ADAMTS12: variants seen among roughly 807,000 people sequenced by gnomAD.
ADAMTS12 encodes the protein A disintegrin and metalloproteinase with thrombospondin motifs 12.
Under a neutral mutation model 167.8 loss-of-function variants are expected in ADAMTS12, and 118 were observed. The observed-to-expected ratio is 0.70, with a 90% confidence interval of 0.61 to 0.82. The LOEUF is 0.82. ADAMTS12 is among the 40% of genes least tolerant of loss of function. The pLI, the probability that ADAMTS12 is intolerant of heterozygous loss-of-function variation, is 0.00. For synonymous variants in ADAMTS12, 704 were observed against 716.9 expected, an observed-to-expected ratio of 0.98 and a Z score of 0.29; for missense variants, 1,916 against 1,998.8, an observed-to-expected ratio of 0.96 and a Z score of 0.79.
chr5:33,642,713 A>T (rs147065200), intron 10 of ADAMTS12, among the ~76,000 whole-genome samples: 23 of 152,268 alleles, frequency 1.5e-4, no homozygotes, highest in Admixed American at 2.6e-4. Flanking sequence ...GGATTTGGAC[A>T]TGTTTTATTG....
chr5:33,643,577 A>T, intron 9 of ADAMTS12, 107 bp from the exon 10 acceptor site: 2 of 961,094 alleles, frequency 2.1e-6, no homozygotes, highest in Non-Finnish European at 3.2e-6. Context: ...AATAAATGCC[A>T]CTGTTGTTAG....
intron 5 of ADAMTS12, among the ~76,000 whole-genome samples, chr5:33,677,158 T>G (rs1741942888): frequency 6.6e-6 from 1 of 152,204 alleles, no homozygotes; most frequent in Non-Finnish European, 1.5e-5. Context: ...CTCCAAGGAC[T>G]TTGAAGTCCT....
At chr5:33,745,219 C>A (rs1353932518) in intron 3 of ADAMTS12, among the ~76,000 whole-genome samples, 2 of 152,122 alleles carry the variant, frequency 1.3e-5, no homozygotes, top group African/African-American at 4.8e-5. Context: ...CAGGCCTTTG[C>A]AGGATGAAGC....
At chr5:33,666,342 C>A (rs752637672) in intron 5 of ADAMTS12, among the ~76,000 whole-genome samples, 11 of 152,226 alleles carry the variant, frequency 7.2e-5, no homozygotes, top group Non-Finnish European at 1.2e-4. Flanking sequence ...TTCATTTACT[C>A]CAAAACTCAG....
intron 19 of ADAMTS12, among the ~76,000 whole-genome samples, chr5:33,565,946 A>G (rs962828235): frequency 1.1e-4 from 16 of 152,234 alleles, no homozygotes; most frequent in Admixed American, 9.2e-4. Flanking sequence ...AGACAAAATA[A>G]TTAAAACACA....
At chr5:33,764,625 G>T (rs897664222) in intron 2 of ADAMTS12, among the ~76,000 whole-genome samples, 1 of 152,148 alleles carries the variant, frequency 6.6e-6, no homozygotes, top group Non-Finnish European at 1.5e-5. Flanking sequence ...AATTCGTCGG[G>T]GAAGAGATTA....
intron 2 of ADAMTS12, among the ~76,000 whole-genome samples, chr5:33,775,912 C>T (rs115787538): frequency 1.3e-5 from 2 of 152,162 alleles, no homozygotes; most frequent in Non-Finnish European, 2.9e-5. Context: ...CCGAAGGGAG[C>T]TCATTATCCC....
chr5:33,670,464 G>A (rs574897935), intron 5 of ADAMTS12, among the ~76,000 whole-genome samples: 113 of 152,276 alleles, frequency 7.4e-4, no homozygotes, highest in Admixed American at 2.3e-3. Flanking sequence ...ATAGGTGGCC[G>A]GGCGCGGTGT....
intron 3 of ADAMTS12, among the ~76,000 whole-genome samples, chr5:33,703,298 G>A (rs1357159903): frequency 6.6e-6 from 1 of 152,132 alleles, no homozygotes; most frequent in African/African-American, 2.4e-5. Flanking sequence ...AACTTAATGT[G>A]TTTAAAGATA....
In ADAMTS12 at chr5:33,576,238, G is replaced by A. The variant is rs757177041; in HGVS notation, c.3788C>T (p.Thr1263Met). 1.1e-4 allele frequency: 185 copies of A among 1,614,086 alleles called. No homozygotes were observed. The highest frequency in any genetic ancestry group is 1.6e-4 in the Middle Eastern group (1 of 6,084). Residue 1263 changes from threonine to methionine, a missense_variant, in exon 19 of 24, where the codon ACG (threonine) becomes ATG (methionine). Transcript: ENST00000504830. ...GDHQPEPSGK[T>M]ANRNHLKLPN... ...AAGTTTCAGGTGGTTACGGTTTGCCGTCTTTCCTGAGGGTTCTGGCTGGTG... is the reference window on the plus strand; with the variant it reads ...AAGTTTCAGGTGGTTACGGTTTGCCATCTTTCCTGAGGGTTCTGGCTGGTG...
At chr5:33,717,719 T>C (rs1445975253) in intron 3 of ADAMTS12, among the ~76,000 whole-genome samples, 2 of 152,120 alleles carry the variant, frequency 1.3e-5, no homozygotes, top group Non-Finnish European at 2.9e-5. Flanking sequence ...CTTACACAAT[T>C]GAGTATTCAG....
chr5:33,690,247 C>T (rs1402637770), intron 3 of ADAMTS12, among the ~76,000 whole-genome samples: 1 of 152,172 alleles, frequency 6.6e-6, no homozygotes, highest in African/African-American at 2.4e-5. Flanking sequence ...TTTTACTCCA[C>T]AAAAAGTTTA....
chr5:33,742,501 C>T (rs1021692461), intron 3 of ADAMTS12, among the ~76,000 whole-genome samples: 25 of 152,192 alleles, frequency 1.6e-4, no homozygotes, highest in African/African-American at 5.6e-4. Flanking sequence ...TTTGCCTTGC[C>T]TCAGTGGCTC....
At chr5:33,532,741 G>C (rs986075423) in intron 23 of ADAMTS12, among the ~76,000 whole-genome samples, 37 of 151,966 alleles carry the variant, frequency 2.4e-4, no homozygotes, top group African/African-American at 8.7e-4. Flanking sequence ...AACTTCAAAT[G>C]GTTTCTAAAA....
chr5:33,754,461 T>A (rs976205575), intron 2 of ADAMTS12, among the ~76,000 whole-genome samples: 5 of 152,344 alleles, frequency 3.3e-5, no homozygotes, highest in East Asian at 1.9e-4. Flanking sequence ...TCCTGTGCCA[T>A]CTGCTCTTCT....
Position 33,714,597 on chromosome 5 carries a change from A to C in ADAMTS12, c.635-30542T>G, listed in dbSNP as rs548891171. On this transcript the variant is annotated intron_variant, in intron 3 of 23. Coordinates refer to ENST00000504830, the MANE Select transcript of ADAMTS12 (RefSeq NM_030955.4). ...GATAAAGAAAATGTGGGATATATAC[A>C]TGATGGAATACTATTCAGCCATAAA... 2.0e-5 allele frequency among the ~76,000 whole-genome samples: 3 copies of C among 152,134 alleles called. No homozygotes were observed. The South Asian group carries it at 6.2e-4, about 32-fold the overall frequency.
At chr5:33,775,146 C>T (rs1332335479) in intron 2 of ADAMTS12, among the ~76,000 whole-genome samples, 1 of 152,122 alleles carries the variant, frequency 6.6e-6, no homozygotes, top group Non-Finnish European at 1.5e-5. Context: ...TGTCCAAATG[C>T]GCAGAGAAGA....
At chr5:33,566,054 C>T (rs1579674448) in intron 19 of ADAMTS12, among the ~76,000 whole-genome samples, 1 of 152,176 alleles carries the variant, frequency 6.6e-6, no homozygotes, top group East Asian at 1.9e-4. Context: ...ATCATACAAC[C>T]ATTTTGTTTT....
At chr5:33,598,684 G>A (rs939197861) in intron 16 of ADAMTS12, among the ~76,000 whole-genome samples, 2 of 152,184 alleles carry the variant, frequency 1.3e-5, no homozygotes, top group Non-Finnish European at 2.9e-5. Flanking sequence ...TTGTTGAAAC[G>A]ATTGTCAGGA....
Sources: allele counts gnomAD v4.1 joint callset (sites outside exome capture counted in the v4.1 genomes callset), GRCh38; gene constraint gnomAD v4.1.1; transcripts MANE v1.5; gene names NCBI Gene and HGNC (gene_info 2026-07-23, HGNC 2026-07-21).